Variants in GPC3 observed in about 807,000 individuals in gnomAD.
GPC3 encodes glypican-3.
In GPC3, 3 loss-of-function variants were observed where a neutral mutation model predicts 34.4. The ratio of observed to expected loss-of-function variants is 0.09; its 90% CI spans 0.04 to 0.23. GPC3 has a LOEUF of 0.23. Ranked by LOEUF, GPC3 falls within the 10% of genes least tolerant of loss-of-function variation. GPC3 has a pLI of 1.00. For missense variants in GPC3, 351 were observed against 445.6 expected, an observed-to-expected ratio of 0.79 and a Z score of 1.91; for synonymous variants, 177 against 174.0, an observed-to-expected ratio of 1.02 and a Z score of -0.13.
intron 2 of GPC3, among the ~76,000 whole-genome samples, chrX:133,777,651 C>CA (rs1049455915): frequency 8.9e-6 from 1 of 112,249 alleles, no homozygotes; most frequent in Admixed American, 9.4e-5. Context: ...TAATCTAAGT[C>CA]AATGACTTCT....
At chrX:133,941,925 G>A (rs1603276145) in intron 2 of GPC3, among the ~76,000 whole-genome samples, 1 of 111,831 alleles carries the variant, frequency 8.9e-6, no homozygotes, top group Admixed American at 9.5e-5. Flanking sequence ...GAATATTAGT[G>A]AGAAAAATCA....
chrX:133,701,123 T>C (rs1041909012), intron 3 of GPC3, among the ~76,000 whole-genome samples: 2 of 111,636 alleles, frequency 1.8e-5, no homozygotes, highest in Non-Finnish European at 1.9e-5. Context: ...CAATACTTTT[T>C]TTAAAATGGC....
chrX:133,632,370 G>T (rs1235042615), intron 6 of GPC3, among the ~76,000 whole-genome samples: 1 of 111,696 alleles, frequency 9.0e-6, no homozygotes. Flanking sequence ...AATGTGCTGG[G>T]ATTACAGGTG....
At chrX:133,796,967 G>T (rs746317403) in intron 2 of GPC3, among the ~76,000 whole-genome samples, 2 of 111,329 alleles carry the variant, frequency 1.8e-5, no homozygotes, top group African/African-American at 6.5e-5. Flanking sequence ...AAGTCTTCTA[G>T]TCCTGCTCTG....
chrX:133,554,312 A>AT (rs756600163), intron 7 of GPC3, among the ~76,000 whole-genome samples: 2,792 of 87,950 alleles, frequency 0.032, 80 homozygotes, highest in African/African-American at 0.081. Flanking sequence ...GTATCTGGCA[A>AT]TTTTTTTTTT....
At chrX:133,794,842 C>T (rs1447877856) in intron 2 of GPC3, among the ~76,000 whole-genome samples, 1 of 112,358 alleles carries the variant, frequency 8.9e-6, no homozygotes, top group East Asian at 2.8e-4. Context: ...AAAATAGATT[C>T]TATTAGTCAC....
intron 3 of GPC3, among the ~76,000 whole-genome samples, chrX:133,741,147 G>A (rs73563302): frequency 0.047 from 5,139 of 109,852 alleles, 322 homozygotes; most frequent in African/African-American, 0.16. Flanking sequence ...GGAAAGCCAT[G>A]TTAAGACAGA....
intron 2 of GPC3, among the ~76,000 whole-genome samples, chrX:133,952,772 A>G (rs748231126): frequency 2.7e-5 from 3 of 112,791 alleles, no homozygotes; most frequent in Non-Finnish European, 5.6e-5. Flanking sequence ...GAGAGAAAAT[A>G]TTATTTATTC....
chrX:133,537,750 T>C (rs755805460), intron 7 of GPC3, among the ~76,000 whole-genome samples: 3 of 112,146 alleles, frequency 2.7e-5, no homozygotes, highest in Non-Finnish European at 5.6e-5. Flanking sequence ...AGGGATTTGA[T>C]TACTAGTGCA....
At chrX:133,910,065 G>A (rs1382636154) in intron 2 of GPC3, among the ~76,000 whole-genome samples, 2 of 110,528 alleles carry the variant, frequency 1.8e-5, no homozygotes, top group Non-Finnish European at 3.8e-5. Flanking sequence ...TGCTTTGCTT[G>A]CCAGATGGTG....
At chrX:133,947,040 C>T (rs1420693786) in intron 2 of GPC3, among the ~76,000 whole-genome samples, 2 of 111,825 alleles carry the variant, frequency 1.8e-5, no homozygotes, top group Non-Finnish European at 3.8e-5. Context: ...CTTCATTACT[C>T]CAATATCAGG....
chrX:133,615,930 T>A (rs2070157951), intron 6 of GPC3, among the ~76,000 whole-genome samples: 1 of 110,624 alleles, frequency 9.0e-6, no homozygotes, highest in African/African-American at 3.3e-5. Context: ...GCAATATCTA[T>A]CTAAAACTCA....
chrX:133,857,530 A>G (rs2075909840), intron 2 of GPC3, among the ~76,000 whole-genome samples: 1 of 111,806 alleles, frequency 8.9e-6, no homozygotes, highest in African/African-American at 3.3e-5. Flanking sequence ...GCTGGATTTC[A>G]TCTTGGTCCC....
chrX:133,587,701 C>T (rs1483646794), intron 7 of GPC3, among the ~76,000 whole-genome samples: 2 of 112,301 alleles, frequency 1.8e-5, no homozygotes, highest in Non-Finnish European at 3.8e-5. Context: ...AGTTATAACA[C>T]TAAACAATAT....
At chrX:133,910,267 G>GTTT (rs1420622751) in intron 2 of GPC3, among the ~76,000 whole-genome samples, 18 of 111,531 alleles carry the variant, frequency 1.6e-4, no homozygotes, top group Non-Finnish European at 3.4e-4. Context: ...TTAAAAAAAA[G>GTTT]TAGTGGAATG....
chrX:133,708,589 T>C (rs752748692), intron 3 of GPC3, among the ~76,000 whole-genome samples: 1 of 112,050 alleles, frequency 8.9e-6, no homozygotes, highest in Non-Finnish European at 1.9e-5. Context: ...AATATACCCA[T>C]GTAACAAATC....
intron 6 of GPC3, among the ~76,000 whole-genome samples, chrX:133,626,081 A>C (rs759746190): frequency 8.9e-6 from 1 of 112,217 alleles, no homozygotes; most frequent in African/African-American, 3.2e-5. Flanking sequence ...TCCCTATTTA[A>C]TAAGTGGTGC....
chrX:133,537,329 G>A (rs1020727120), intron 7 of GPC3, among the ~76,000 whole-genome samples: 1 of 112,055 alleles, frequency 8.9e-6, no homozygotes, highest in Non-Finnish European at 1.9e-5. Context: ...TGGTAGCCAA[G>A]GGAGCTAGAA....
intron 2 of GPC3, among the ~76,000 whole-genome samples, chrX:133,765,819 T>G (rs759536501): frequency 2.7e-5 from 3 of 111,965 alleles, no homozygotes; most frequent in Non-Finnish European, 5.6e-5. Flanking sequence ...CTCTTACCCG[T>G]TGTTATTGGA....
Sources: gnomAD v4.1 joint callset for allele counts (sites outside exome capture counted in the v4.1 genomes callset) on GRCh38, gnomAD v4.1.1 for gene constraint, MANE v1.5 for transcripts, NCBI Gene and HGNC (gene_info 2026-07-23, HGNC 2026-07-21) for gene names.